EFHD1: variants seen among roughly 807,000 people sequenced by gnomAD.
EFHD1 encodes EF-hand domain family member D1, also known as EF-hand domain-containing protein D1.
EFHD1 carries 10 observed loss-of-function variants against 17.2 expected under a neutral mutation model. That is an observed-to-expected ratio of 0.58 (90% CI 0.36 to 0.99). The LOEUF (loss-of-function observed/expected upper bound fraction) is 0.99, where lower values mean the gene tolerates loss of function less well. Ranked by LOEUF, EFHD1 falls within the 50% of genes least tolerant of loss-of-function variation. EFHD1 has a pLI of 0.01. For missense variants in EFHD1, 310 were observed against 327.5 expected (o/e 0.95, Z 0.41); for synonymous variants, 153 against 142.0 (o/e 1.08, Z -0.55).
chr2:232,624,762 G>A (rs1213179782), intron 1 of EFHD1, among the ~76,000 whole-genome samples: 1 of 152,210 alleles, frequency 6.6e-6, no homozygotes, highest in Non-Finnish European at 1.5e-5. Context: ...AACATCTATA[G>A]GGAAAGAATT....
chr2:232,663,017 A>G (rs1694904749), intron 2 of EFHD1, 68 bp downstream of exon 2: 1 of 1,459,486 alleles, frequency 6.9e-7, no homozygotes, highest in African/African-American at 1.5e-5. Context: ...TGTACAGCCC[A>G]CTGGAGCACA....
chr2:232,634,102 G>A lies in EFHD1; in HGVS notation c.302+96G>A, dbSNP rs1694267709. The A allele has an allele frequency of 1.2e-5, 18 of 1,515,614 alleles. No homozygotes were observed. The South Asian group carries it at 2.0e-4, about 17-fold the overall frequency. 93.9% of individuals were successfully genotyped at this position (1,515,614 alleles called of 1,614,324 possible). A position where few individuals can be genotyped will look rare whatever the true frequency, so the allele number is the denominator to read the frequency against. On this transcript the variant is annotated intron_variant, in intron 1 of 3. Transcript: ENST00000264059. ...CCCGGGCCCTGTTTGTGTGGGGAGG[G>A]GTCCCGGGGTGCAGGTAGCATTTGG...
chr2:232,675,667 A>C (rs1159369342), intron 3 of EFHD1, among the ~76,000 whole-genome samples: 1 of 152,094 alleles, frequency 6.6e-6, no homozygotes, highest in Non-Finnish European at 1.5e-5. Flanking sequence ...CTACCAGGAC[A>C]CACTTGCCTG....
Position 232,633,683 on chromosome 2 carries a change from C to CCGCGTCCT in EFHD1, c.-21_-14dup, listed in dbSNP as rs1244611360. The CCGCGTCCT allele has an allele frequency of 7.1e-7, 1 of 1,412,484 alleles. No individual in the cohort carries two copies. The highest frequency in any genetic ancestry group is 3.4e-5 in the Admixed American group (1 of 29,328). 87.5% of individuals were successfully genotyped at this position (1,412,484 alleles called of 1,614,324 possible). On this transcript the variant is annotated 5_prime_UTR_variant, in exon 1 of 4. Coordinates refer to ENST00000264059, the MANE Select transcript of EFHD1 (RefSeq NM_025202.4). ...CGTCCCGTCCCGCGTCCCCGCGTTC[C>CCGCGTCCT]CGCGTCCTGCGATCCGCCGCCATGG...
intron 1 of EFHD1, among the ~76,000 whole-genome samples, chr2:232,625,447 A>C (rs1694089966): frequency 1.3e-5 from 2 of 152,052 alleles, no homozygotes; most frequent in Admixed American, 1.3e-4. Flanking sequence ...CTATTTGTTG[A>C]TTGAAGCAAT....
At chr2:232,677,698 G>A (rs1046440620) in intron 3 of EFHD1, among the ~76,000 whole-genome samples, 1 of 152,126 alleles carries the variant, frequency 6.6e-6, no homozygotes, top group Non-Finnish European at 1.5e-5. Flanking sequence ...ACTCCAGTCT[G>A]GGTGACAGAG....
At chr2:232,670,709 G>A (rs1695050242) in intron 2 of EFHD1, among the ~76,000 whole-genome samples, 1 of 151,826 alleles carries the variant, frequency 6.6e-6, no homozygotes, top group African/African-American at 2.4e-5. Flanking sequence ...ATAGGTGGTT[G>A]TTTATATAAC....
Position 232,682,068 on chromosome 2 carries a change from T to G in EFHD1, c.*349T>G, listed in dbSNP as rs777218327. ...ATCAATTTGTGTAGATATGTCTGTC[T>G]TTTTGGGTCCTCAGAGAAAATGCCC... On this transcript the variant is annotated 3_prime_UTR_variant, in exon 4 of 4. Coordinates refer to ENST00000264059, the MANE Select transcript of EFHD1 (RefSeq NM_025202.4). The G allele has an allele frequency of 2.2e-5, 4 of 185,706 alleles. No individual in the cohort carries two copies. The highest frequency in any genetic ancestry group is 3.3e-5 in the Non-Finnish European group (3 of 90,918). 11.5% of individuals were successfully genotyped at this position (185,706 alleles called of 1,614,324 possible).
chr2:232,637,379 C>CATTG (rs1694337939), intron 1 of EFHD1, among the ~76,000 whole-genome samples: 1 of 149,210 alleles, frequency 6.7e-6, no homozygotes, highest in African/African-American at 2.5e-5. Context: ...AGTCTCACTC[C>CATTG]ATTGCCCAGG....
upstream of EFHD1, chr2:232,633,157 C>G (rs1244871994): frequency 6.6e-6 from 1 of 152,256 alleles, no homozygotes; most frequent in Admixed American, 6.5e-5. Flanking sequence ...TCCCTGACCC[C>G]GGGGAGGGTG....
At chr2:232,653,046 T>C (rs1694688411) in intron 1 of EFHD1, among the ~76,000 whole-genome samples, 1 of 152,116 alleles carries the variant, frequency 6.6e-6, no homozygotes, top group South Asian at 2.1e-4. Context: ...CAGGCTAGAG[T>C]GAAGTGGTGT....
At chr2:232,649,144 A>G (rs547915189) in intron 1 of EFHD1, among the ~76,000 whole-genome samples, 1 of 152,322 alleles carries the variant, frequency 6.6e-6, no homozygotes, top group South Asian at 2.1e-4. Flanking sequence ...TGACTGACTC[A>G]TGGACCTGAA....
At chr2:232,675,428 C>A (rs1695154562) in intron 3 of EFHD1, among the ~76,000 whole-genome samples, 1 of 152,066 alleles carries the variant, frequency 6.6e-6, no homozygotes, top group South Asian at 2.1e-4. Context: ...GAGAGGAGTT[C>A]CTCTCTGGGC....
intron 2 of EFHD1, among the ~76,000 whole-genome samples, chr2:232,664,121 C>T (rs776286392): frequency 6.6e-6 from 1 of 150,898 alleles, no homozygotes; most frequent in African/African-American, 2.4e-5. Context: ...TTTATATTTT[C>T]GTTTTCATTG....
chr2:232,617,685 G>A (rs11686251), intron 1 of EFHD1, among the ~76,000 whole-genome samples: 47,890 of 146,298 alleles, frequency 0.33, 9,304 homozygotes, highest in Middle Eastern at 0.46. Context: ...TGCCAGGGCT[G>A]GGCACGGTGG....
intron 1 of EFHD1, chr2:232,606,475 A>G (rs1043857982): frequency 3.8e-6 from 2 of 522,798 alleles, no homozygotes; most frequent in Non-Finnish European, 7.0e-6. Flanking sequence ...AATGTCAGTG[A>G]ATGAGGAAGG....
At chr2:232,673,977 T>C (rs116410312) in intron 3 of EFHD1, among the ~76,000 whole-genome samples, 5,171 of 151,480 alleles carry the variant, frequency 0.034, 193 homozygotes, top group East Asian at 0.21. Flanking sequence ...GGCACGATCT[T>C]GGCTCACTGG....
rs543615305 is a variant in EFHD1 at position 232,668,549 on chromosome 2, G to A, written c.451-3760G>A. ...GAGAAGGCCAAGCCTCGGGGATGGC[G>A]AGAGTCCCTGAGGTCACCTGGGTGG... On this transcript the variant is annotated intron_variant, in intron 2 of 3. Transcript: ENST00000264059. Among the ~76,000 whole-genome samples, 23 of 152,310 alleles carry A rather than the reference G, an allele frequency of 1.5e-4. No individual in the cohort carries two copies. The South Asian group carries it at 4.6e-3, about 30-fold the overall frequency.
At chr2:232,652,428 C>T (rs888532429) in intron 1 of EFHD1, among the ~76,000 whole-genome samples, 1 of 152,014 alleles carries the variant, frequency 6.6e-6, no homozygotes, top group African/African-American at 2.4e-5. Flanking sequence ...CTACTGTACT[C>T]GAAAGCTTAG....
Sources: allele counts gnomAD v4.1 joint callset (sites outside exome capture counted in the v4.1 genomes callset), GRCh38; gene constraint gnomAD v4.1.1; transcripts MANE v1.5; gene names NCBI Gene and HGNC (gene_info 2026-07-23, HGNC 2026-07-21).